Variants in AK5 observed in about 807,000 individuals in gnomAD.
AK5 encodes adenylate kinase 5.
A neutral mutation model predicts 69.5 loss-of-function variants in AK5; 27 were observed. That is an observed-to-expected ratio of 0.39 (90% confidence interval 0.29 to 0.54). The LOEUF (loss-of-function observed/expected upper bound fraction) is 0.54, where lower values mean the gene tolerates loss of function less well. Ranked by LOEUF, AK5 falls within the 20% of genes least tolerant of loss-of-function variation. AK5 has a pLI of 0.71. For missense variants in AK5, 531 were observed against 700.4 expected, an observed-to-expected ratio of 0.76 and a Z score of 2.73; for synonymous variants, 260 against 244.4, an observed-to-expected ratio of 1.06 and a Z score of -0.60.
chr1:77,403,490 G>T (rs1448372791), intron 6 of AK5, among the ~76,000 whole-genome samples: 6 of 152,056 alleles, frequency 3.9e-5, no homozygotes, highest in Non-Finnish European at 5.9e-5. Flanking sequence ...GTAAGGAAGG[G>T]ATCCAGTTTC....
chr1:77,531,508 G>C (rs1658587085), intron 12 of AK5, among the ~76,000 whole-genome samples: 2 of 152,130 alleles, frequency 1.3e-5, no homozygotes, highest in Admixed American at 1.3e-4. Context: ...GGTTCTCCAA[G>C]TCCCCACCAG....
At chr1:77,418,956 T>C (rs1280954641) in intron 8 of AK5, among the ~76,000 whole-genome samples, 2 of 152,156 alleles carry the variant, frequency 1.3e-5, no homozygotes, top group African/African-American at 2.4e-5. Flanking sequence ...TAAGCACTTA[T>C]TACATGCAAA....
At position 77,368,245 on chromosome 1, in the gene AK5, A is replaced by ATATATATATATATATTATATATAT. The variant is rs376578923; in HGVS notation, c.891+27685_891+27686insTATATATTATATATATTATATATA. Among the ~76,000 whole-genome samples, 24 of 67,906 alleles carry ATATATATATATATATTATATATAT rather than the reference A, an allele frequency of 3.5e-4. 2 individuals carry two copies. The highest frequency in any genetic ancestry group is 5.4e-4 in the Non-Finnish European group (19 of 35,050). 44.5% of individuals were successfully genotyped at this position (67,906 alleles called of 152,430 possible). On this transcript the variant is annotated intron_variant, in intron 6 of 13. Coordinates refer to ENST00000354567, the MANE Select transcript of AK5 (RefSeq NM_174858.3). ...TATATATATATATATATATATATAT[A>ATATATATATATATATTATATATAT]TATATATAATATATATGTTATATAT...
chr1:77,314,677 TTGAAACTATA>T (rs1038096227), intron 5 of AK5: 5 of 152,160 alleles, frequency 3.3e-5, no homozygotes, highest in African/African-American at 1.2e-4. Context: ...TTTTAGCTAT[TTGAAACTATA>T]TATTTATTGT....
chr1:77,558,557 TA>T (rs1485773155), intron 13 of AK5, 44 bp from the exon 14 acceptor site: 1 of 1,222,812 alleles, frequency 8.2e-7, no homozygotes, highest in Non-Finnish European at 1.2e-6. Flanking sequence ...AAACATGATT[TA>T]CAGATATTTC....
intron 8 of AK5, among the ~76,000 whole-genome samples, chr1:77,418,179 A>G (rs1350558513): frequency 6.6e-6 from 1 of 152,184 alleles, no homozygotes; most frequent in African/African-American, 2.4e-5. Context: ...TCACAGTTTC[A>G]CATGACTGGG....
chr1:77,482,640 G>C (rs766393632), intron 8 of AK5, among the ~76,000 whole-genome samples: 8 of 151,906 alleles, frequency 5.3e-5, no homozygotes, highest in South Asian at 4.2e-4. Context: ...CAGCACGGTG[G>C]TACATGCCTG....
chr1:77,433,955 C>T (rs12093881), intron 8 of AK5, among the ~76,000 whole-genome samples: 26,410 of 150,860 alleles, frequency 0.18, 2,343 homozygotes, highest in South Asian at 0.24. Flanking sequence ...TTATTAGAAA[C>T]TTATATTTAA....
At chr1:77,391,495 G>GTGTATATATATA (rs1425180466) in intron 6 of AK5, among the ~76,000 whole-genome samples, 737 of 62,906 alleles carry the variant, frequency 0.012, 4 homozygotes, top group Admixed American at 0.046. Context: ...GTGTGTGTGT[G>GTGTATATATATA]TATATATATA....
At chr1:77,421,468 T>G (rs1208895834) in intron 8 of AK5, among the ~76,000 whole-genome samples, 1 of 152,180 alleles carries the variant, frequency 6.6e-6, no homozygotes, top group Non-Finnish European at 1.5e-5. Context: ...GAGCTTTCCT[T>G]CCAGAGTTCC....
intron 8 of AK5, among the ~76,000 whole-genome samples, chr1:77,432,012 T>A (rs1479367952): frequency 1.3e-5 from 2 of 152,170 alleles, no homozygotes; most frequent in African/African-American, 4.8e-5. Context: ...TTGCAGAATT[T>A]TTTGTGGTAG....
At chr1:77,358,258 T>C (rs1662653471) in intron 6 of AK5, among the ~76,000 whole-genome samples, 1 of 152,162 alleles carries the variant, frequency 6.6e-6, no homozygotes, top group Non-Finnish European at 1.5e-5. Flanking sequence ...ATTTTTTAAC[T>C]TAAAATTATT....
intron 12 of AK5, among the ~76,000 whole-genome samples, chr1:77,530,230 T>C (rs1010948895): frequency 6.6e-6 from 1 of 152,238 alleles, no homozygotes; most frequent in African/African-American, 2.4e-5. Flanking sequence ...TGCTCTCTTC[T>C]GATTCCCGGT....
intron 6 of AK5, among the ~76,000 whole-genome samples, chr1:77,372,829 G>A (rs899600208): frequency 6.6e-6 from 1 of 151,942 alleles, no homozygotes; most frequent in Non-Finnish European, 1.5e-5. Context: ...ATATGAGTTA[G>A]TGCCAAATAT....
At chr1:77,357,778 A>T (rs1662610877) in intron 6 of AK5, among the ~76,000 whole-genome samples, 1 of 152,210 alleles carries the variant, frequency 6.6e-6, no homozygotes, top group Non-Finnish European at 1.5e-5. Context: ...TTCAGAAGAA[A>T]TGTCAACCAC....
At chr1:77,422,954 G>A (rs900487878) in intron 8 of AK5, among the ~76,000 whole-genome samples, 3 of 152,234 alleles carry the variant, frequency 2.0e-5, no homozygotes, top group East Asian at 3.9e-4. Flanking sequence ...GGTGGCTCAC[G>A]CCTGTAATCC....
chr1:77,294,406 A>G (rs1658870775), intron 3 of AK5, among the ~76,000 whole-genome samples: 1 of 151,766 alleles, frequency 6.6e-6, no homozygotes, highest in South Asian at 2.1e-4. Flanking sequence ...GACTATTTCT[A>G]GAAGAAAAAA....
intron 5 of AK5, among the ~76,000 whole-genome samples, chr1:77,337,421 T>A (rs1398027605): frequency 6.6e-6 from 1 of 152,074 alleles, no homozygotes; most frequent in Non-Finnish European, 1.5e-5. Context: ...GAGTTAGAAG[T>A]TTTTTCTTAT....
At chr1:77,509,314 C>T (rs553058455) in intron 10 of AK5, among the ~76,000 whole-genome samples, 31 of 152,216 alleles carry the variant, frequency 2.0e-4, no homozygotes, top group Non-Finnish European at 4.0e-4. Context: ...CTGAAGCAGT[C>T]AGTGCTTTTC....
Sources: gnomAD v4.1 joint callset for allele counts (sites outside exome capture counted in the v4.1 genomes callset) on GRCh38, gnomAD v4.1.1 for gene constraint, MANE v1.5 for transcripts, NCBI Gene and HGNC (gene_info 2026-07-23, HGNC 2026-07-21) for gene names.